The following SASH1 variants were observed in gnomAD, a reference collection of about 807,000 sequenced individuals.
SASH1 encodes SAM and SH3 domain containing 1.
Under a neutral mutation model 125.2 loss-of-function variants are expected in SASH1, and 44 were observed. The ratio of observed to expected loss-of-function variants is 0.35; its 90% CI spans 0.28 to 0.45. The LOEUF (loss-of-function observed/expected upper bound fraction) is 0.45. SASH1 is among the 20% of genes least tolerant of loss of function. SASH1 has a pLI of 1.00. For synonymous variants in SASH1, 639 were observed against 649.1 expected (o/e 0.98, Z 0.24); for missense variants, 1,426 against 1,614.5 (o/e 0.88, Z 2.00).
intron 16 of SASH1, among the ~76,000 whole-genome samples, chr6:148,537,814 G>A (rs1781950102): frequency 1.4e-5 from 2 of 141,284 alleles, no homozygotes; most frequent in Admixed American, 1.4e-4. Context: ...GTGTGTGTGT[G>A]TGTGTGTGTG....
the SASH1 span, among the ~76,000 whole-genome samples, chr6:148,233,563 A>G: frequency 6.6e-6 from 1 of 151,994 alleles, no homozygotes; most frequent in Non-Finnish European, 1.5e-5. Context: ...AGAAGAGATA[A>G]TTAAAGACAT....
intron 4 of SASH1, among the ~76,000 whole-genome samples, chr6:148,458,817 A>T (rs569745378): frequency 1.3e-5 from 2 of 152,204 alleles, no homozygotes; most frequent in Admixed American, 1.3e-4. Context: ...AAATCAAAAG[A>T]TTAGTCGGGC....
At chr6:148,477,426 A>G (rs1336802919) in intron 7 of SASH1, among the ~76,000 whole-genome samples, 1 of 152,232 alleles carries the variant, frequency 6.6e-6, no homozygotes, top group Non-Finnish European at 1.5e-5. Flanking sequence ...GACATTTCTC[A>G]GAAGAAGACA....
At chr6:148,526,447 A>T (rs1229251221) in intron 11 of SASH1, among the ~76,000 whole-genome samples, 2 of 152,184 alleles carry the variant, frequency 1.3e-5, no homozygotes, top group Admixed American at 6.5e-5. Flanking sequence ...CATATTTGTT[A>T]TGATCATGGG....
chr6:148,229,655 A>C, the SASH1 span, among the ~76,000 whole-genome samples: 1 of 151,814 alleles, frequency 6.6e-6, no homozygotes, highest in Admixed American at 6.6e-5. Flanking sequence ...AAAGTATACA[A>C]TTCCATGACT....
intron 1 of SASH1, among the ~76,000 whole-genome samples, chr6:148,317,703 T>G (rs1030578739): frequency 5.3e-5 from 8 of 152,090 alleles, no homozygotes; most frequent in Non-Finnish European, 1.0e-4. Flanking sequence ...GGGATTACAG[T>G]CGTGAGCCAC....
At chr6:148,334,232 G>C (rs967857222) in intron 1 of SASH1, among the ~76,000 whole-genome samples, 4 of 143,554 alleles carry the variant, frequency 2.8e-5, no homozygotes, top group Admixed American at 6.9e-5. Flanking sequence ...AGACCATCCT[G>C]GCTAACACGG....
chr6:148,338,236 G>A (rs2114618469), upstream of SASH1, among the ~76,000 whole-genome samples: 1 of 152,178 alleles, frequency 6.6e-6, no homozygotes, highest in Admixed American at 6.5e-5. Context: ...AGACCAGCCT[G>A]GCCAACATGG....
chr6:148,334,252 GTC>G (rs1781082890), intron 1 of SASH1, among the ~76,000 whole-genome samples: 1 of 142,980 alleles, frequency 7.0e-6, no homozygotes, highest in African/African-American at 2.6e-5. Context: ...GTGAAACCCT[GTC>G]TCTACTAAAA....
the SASH1 span, among the ~76,000 whole-genome samples, chr6:148,225,672 A>T: frequency 2.9e-3 from 445 of 152,292 alleles, 1 homozygote; most frequent in Middle Eastern, 0.034. Context: ...ATCACCACTA[A>T]AGAACTTGTC....
chr6:148,440,400 G>A lies in SASH1; in HGVS notation c.379G>A (p.Glu127Lys), dbSNP rs1776495530. The A allele has an allele frequency of 6.2e-7, 1 of 1,613,938 alleles. No individual in the cohort carries two copies. The highest frequency in any genetic ancestry group is 1.1e-5 in the South Asian group (1 of 91,066). Reference protein sequence around the residue: ...FCSAVSTPEVERKNPLHKSNS... With the variant: ...FCSAVSTPEVKRKNPLHKSNS... The stretch of plus-strand genomic sequence containing the variant: ...TAGCGCCGTGTCAACCCCAGAAGTG[G>A]AAAGAAAGTAAGTCTTTCTCCCTCT... Residue 127 changes from glutamate (E) to lysine (K), a missense_variant, in exon 4 of 20, where the codon GAA (glutamate) becomes AAA (lysine). Around this residue, in one of 3 missense-constraint regions of SASH1, gnomAD observed 567 missense variants for 575.6 expected, o/e 0.99. Coordinates refer to ENST00000367467, the MANE Select transcript of SASH1 (RefSeq NM_015278.5).
intron 16 of SASH1, among the ~76,000 whole-genome samples, chr6:148,537,950 CTG>C (rs1288186307): frequency 6.6e-6 from 1 of 152,096 alleles, no homozygotes; most frequent in Non-Finnish European, 1.5e-5. Flanking sequence ...TGTGATTTGA[CTG>C]TGAGAATTTT....
the SASH1 span, among the ~76,000 whole-genome samples, chr6:148,244,373 C>T: frequency 6.6e-6 from 1 of 152,212 alleles, no homozygotes; most frequent in African/African-American, 2.4e-5. Context: ...GCTTTATTCA[C>T]AGGCCTTGGT....
chr6:148,503,572 A>T (rs1011642381), intron 8 of SASH1, among the ~76,000 whole-genome samples: 5 of 152,222 alleles, frequency 3.3e-5, no homozygotes, highest in Non-Finnish European at 5.9e-5. Context: ...TACGGTGCAC[A>T]CCAGGGGCCT....
At chr6:148,548,160 A>C in intron 19 of SASH1, 135 bp from the exon 20 acceptor site, 1 of 753,628 alleles carries the variant, frequency 1.3e-6, no homozygotes. Flanking sequence ...TTGATCTCTG[A>C]CACTCATTGC....
At chr6:148,472,387 T>C (rs1324869330) in intron 6 of SASH1, among the ~76,000 whole-genome samples, 2 of 151,898 alleles carry the variant, frequency 1.3e-5, no homozygotes, top group Admixed American at 6.6e-5. Context: ...CTTTTAAGCA[T>C]TCCCAGTTTT....
chr6:148,457,787 G>A (rs1777430422), intron 4 of SASH1, among the ~76,000 whole-genome samples: 1 of 152,184 alleles, frequency 6.6e-6, no homozygotes, highest in African/African-American at 2.4e-5. Flanking sequence ...GAGACCTCAG[G>A]AAACTTGCAA....
At chr6:148,523,493 C>G (rs1213828381) in intron 10 of SASH1, among the ~76,000 whole-genome samples, 1 of 152,160 alleles carries the variant, frequency 6.6e-6, no homozygotes, top group Non-Finnish European at 1.5e-5. Flanking sequence ...TAAGAGAAAT[C>G]AGATTGCCCA....
rs747556320 is a variant in SASH1, at chr6:148,544,666, G to A, written c.3196G>A (p.Glu1066Lys). 1.1e-5 allele frequency: 17 copies of A among 1,613,070 alleles called. No homozygotes were observed. The highest frequency in any genetic ancestry group is 8.9e-5 in the East Asian group (4 of 44,828). ...GCCCCCCTGGCTCTCAGAGCTCCCC[G>A]AGAACACAAGCCTCCAGGAGCACGG... ...RPPPWLSELP[E>K]NTSLQEHGVK... Residue 1066 changes from glutamate to lysine, a missense_variant, in exon 18 of 20, where the codon GAG becomes AAG. Coordinates refer to ENST00000367467, the MANE Select transcript of SASH1 (RefSeq NM_015278.5). This position sits in a 1 kb window ranked among gnomAD's most constrained non-coding sequence, Gnocchi z 6.4.
Sources: gnomAD v4.1 joint callset for allele counts (sites outside exome capture counted in the v4.1 genomes callset) on GRCh38, gnomAD v4.1.1 for gene constraint, gnomAD v4.1.1 regional missense constraint, Gnocchi (gnomAD v3.1) non-coding constraint, MANE v1.5 for transcripts, NCBI Gene and HGNC (gene_info 2026-07-23, HGNC 2026-07-21) for gene names.